Variants in PDE12 observed in about 807,000 individuals in gnomAD.
PDE12 encodes the protein 2',5'-phosphodiesterase 12.
Under a neutral mutation model 45.4 loss-of-function variants are expected in PDE12, and 26 were observed. The observed-to-expected ratio is 0.57, with a 90% CI of 0.42 to 0.79. PDE12 has a LOEUF of 0.79. PDE12 is among the 30% of genes least tolerant of loss of function. PDE12 has a pLI of 0.00. For missense variants in PDE12, 668 were observed against 790.0 expected (o/e 0.85, Z 1.85); for synonymous variants, 283 against 323.9 (o/e 0.87, Z 1.36).
Position 57,561,681 on chromosome 3 carries a change from T to C in PDE12, c.*1677T>C. 2 of 985,006 alleles carry C rather than the reference T, an allele frequency of 2.0e-6. No individual in the cohort carries two copies. The highest frequency in any genetic ancestry group is 2.4e-6 in the Non-Finnish European group (2 of 829,544). The allele number at this position is 985,006 out of a possible 1,614,324, so 61.0% of individuals were successfully genotyped here. A position where few individuals can be genotyped will look rare whatever the true frequency, so the allele number is the denominator to read the frequency against. ...AAGCCCACTCCCTTCAAGAAAAGCTTTGATTTTCCCCAGTCATGAAAGCCC... is the reference window on the plus strand; with the variant it reads ...AAGCCCACTCCCTTCAAGAAAAGCTCTGATTTTCCCCAGTCATGAAAGCCC... On this transcript the variant is annotated 3_prime_UTR_variant, in exon 3 of 3. Transcript: ENST00000311180.
the PDE12 span, among the ~76,000 whole-genome samples, chr3:57,581,770 T>C: frequency 5.9e-5 from 9 of 152,152 alleles, no homozygotes; most frequent in Middle Eastern, 0.01. Context: ...ATAGCCTGGG[T>C]GACAGGACGA....
At chr3:57,655,414 CAT>C in the PDE12 span, among the ~76,000 whole-genome samples, 3 of 152,198 alleles carry the variant, frequency 2.0e-5, no homozygotes, top group East Asian at 1.9e-4. Flanking sequence ...GGAGACAAGA[CAT>C]GTGCTAATCA....
downstream of PDE12, among the ~76,000 whole-genome samples, chr3:57,568,095 T>TAAAAAAA (rs2069802595): frequency 6.0e-5 from 6 of 100,408 alleles, no homozygotes; most frequent in African/African-American, 2.3e-4. Context: ...AAAAAAAAAG[T>TAAAAAAA]AAAGCACTTG....
At chr3:57,651,998 G>C in the PDE12 span, among the ~76,000 whole-genome samples, 1 of 152,088 alleles carries the variant, frequency 6.6e-6, no homozygotes, top group South Asian at 2.1e-4. Context: ...AAGAGTTTAA[G>C]ACTGGCCTGG....
chr3:57,590,132 T>TA, the PDE12 span, among the ~76,000 whole-genome samples: 1 of 136,226 alleles, frequency 7.3e-6, no homozygotes, highest in African/African-American at 2.7e-5. Context: ...AATAAATAAA[T>TA]AAAACAAAAA....
At chr3:57,559,416 C>T (rs765533162) in intron 2 of PDE12, 28 bp downstream of exon 2, 10 of 1,570,438 alleles carry the variant, frequency 6.4e-6, no homozygotes, top group Non-Finnish European at 7.0e-6. Context: ...TCACAAGTGA[C>T]TTAAACACGC....
At chr3:57,649,608 A>C in the PDE12 span, among the ~76,000 whole-genome samples, 1 of 151,058 alleles carries the variant, frequency 6.6e-6, no homozygotes, top group Admixed American at 6.6e-5. Flanking sequence ...GAACAAGCCC[A>C]AATGCCCATC....
At chr3:57,642,096 C>T in the PDE12 span, among the ~76,000 whole-genome samples, 3 of 151,890 alleles carry the variant, frequency 2.0e-5, no homozygotes, top group East Asian at 1.9e-4. Flanking sequence ...GGGCAGATCA[C>T]GAGGTTAGGA....
chr3:57,618,915 G>A, the PDE12 span, among the ~76,000 whole-genome samples: 1 of 151,902 alleles, frequency 6.6e-6, no homozygotes, highest in Admixed American at 6.6e-5. Context: ...GCCAACAAAT[G>A]TGTTTGTCAA....
At chr3:57,592,464 G>A in the PDE12 span, among the ~76,000 whole-genome samples, 1 of 152,062 alleles carries the variant, frequency 6.6e-6, no homozygotes, top group African/African-American at 2.4e-5. Flanking sequence ...CTCGAGCCTG[G>A]GTGACACAGT....
At chr3:57,618,100 A>G in the PDE12 span, among the ~76,000 whole-genome samples, 1 of 152,168 alleles carries the variant, frequency 6.6e-6, no homozygotes, top group Non-Finnish European at 1.5e-5. Context: ...CACAGACACA[A>G]AGATGGGAAC....
the PDE12 span, among the ~76,000 whole-genome samples, chr3:57,614,523 G>GTTTTTTTTGTTTTGTTTTTTT: frequency 1.5e-5 from 2 of 132,028 alleles, no homozygotes; most frequent in Non-Finnish European, 3.2e-5. Flanking sequence ...CCTGTAATCC[G>GTTTTTTTTGTTTTGTTTTTTT]TTTTTTTTTT....
At chr3:57,638,892 C>T in the PDE12 span, among the ~76,000 whole-genome samples, 2 of 152,226 alleles carry the variant, frequency 1.3e-5, no homozygotes, top group East Asian at 3.9e-4. Flanking sequence ...TGCTTGAGCA[C>T]AGGAGTTTAG....
chr3:57,614,011 A>G, the PDE12 span, among the ~76,000 whole-genome samples: 79 of 152,238 alleles, frequency 5.2e-4, no homozygotes, highest in African/African-American at 1.7e-3. Flanking sequence ...AAGCCAGGAT[A>G]ATTCTACTAA....
the PDE12 span, among the ~76,000 whole-genome samples, chr3:57,608,591 G>A: frequency 6.6e-6 from 1 of 151,826 alleles, no homozygotes; most frequent in Non-Finnish European, 1.5e-5. Flanking sequence ...TGCAATCCTA[G>A]TCTCTGATAA....
At chr3:57,596,396 T>G in the PDE12 span, among the ~76,000 whole-genome samples, 1 of 152,204 alleles carries the variant, frequency 6.6e-6, no homozygotes, top group African/African-American at 2.4e-5. Context: ...ACATTTAAAG[T>G]TTTTGAAAAT....
the PDE12 span, among the ~76,000 whole-genome samples, chr3:57,606,900 G>A: frequency 6.6e-6 from 1 of 152,054 alleles, no homozygotes; most frequent in Non-Finnish European, 1.5e-5. Flanking sequence ...AGAGAGTAGT[G>A]GTTCTCCCAG....
At chr3:57,590,057 TCCAGCCTG>T in the PDE12 span, among the ~76,000 whole-genome samples, 4 of 146,026 alleles carry the variant, frequency 2.7e-5, no homozygotes, top group Admixed American at 1.4e-4. Context: ...GCCACTGCAC[TCCAGCCTG>T]GGCAACAGAC....
At position 57,557,306 on chromosome 3, in the gene PDE12, G is replaced by C. The variant is rs1188349746; in HGVS notation, c.927G>C (p.Gln309His). 1 of 1,613,946 alleles carries C rather than the reference G, an allele frequency of 6.2e-7. No homozygotes were observed. The highest frequency in any genetic ancestry group is 8.5e-7 in the Non-Finnish European group (1 of 1,180,026). ...ACATCCTGGCAGACACGTACGCGCAGACTGAGTTCTCGCGAACGGTTCTGT... is the reference window on the plus strand; with the variant it reads ...ACATCCTGGCAGACACGTACGCGCACACTGAGTTCTCGCGAACGGTTCTGT... ...SYNILADTYA[Q>H]TEFSRTVLYP... The change falls in exon 1 of 3, where the codon CAG becomes CAC. Residue 309 changes from glutamine to histidine, a missense_variant. By Grantham distance (24) the Gln-to-His change is conservative (BLOSUM62 0). Transcript: ENST00000311180.
Sources: allele counts gnomAD v4.1 joint callset (sites outside exome capture counted in the v4.1 genomes callset), GRCh38; gene constraint gnomAD v4.1.1; transcripts MANE v1.5; gene names NCBI Gene and HGNC (gene_info 2026-07-23, HGNC 2026-07-21).